The following CDH4 variants were observed in gnomAD, a reference collection of about 807,000 sequenced individuals.
CDH4 encodes the protein cadherin-4.
A neutral mutation model predicts 86.0 loss-of-function variants in CDH4; 33 were observed. The ratio of observed to expected loss-of-function variants is 0.38; its 90% CI spans 0.29 to 0.51. The LOEUF (loss-of-function observed/expected upper bound fraction) is 0.51. Ranked by LOEUF, CDH4 falls within the 20% of genes least tolerant of loss-of-function variation. CDH4 has a pLI of 0.86. For missense variants in CDH4, 1,114 were observed against 1,307.4 expected (o/e 0.85, Z 2.28); for synonymous variants, 555 against 549.4 (o/e 1.01, Z -0.14).
chr20:61,481,959 C>A (rs4925248), intron 2 of CDH4, among the ~76,000 whole-genome samples: 52,340 of 151,996 alleles, frequency 0.34, 10,987 homozygotes, highest in Admixed American at 0.48. Context: ...TATGTCTCAT[C>A]CATGGTGATT....
intron 6 of CDH4, among the ~76,000 whole-genome samples, chr20:61,857,971 G>A (rs2146122371): frequency 6.6e-6 from 1 of 151,518 alleles, no homozygotes; most frequent in South Asian, 2.1e-4. Flanking sequence ...GTCTCTGTGT[G>A]TCTCTGTGTC....
chr20:61,724,738 A>G (rs2088089985), intron 2 of CDH4, among the ~76,000 whole-genome samples: 1 of 152,074 alleles, frequency 6.6e-6, no homozygotes, highest in Non-Finnish European at 1.5e-5. Context: ...TTGCCTCTAA[A>G]TTTTCCTCCT....
intron 2 of CDH4, among the ~76,000 whole-genome samples, chr20:61,386,405 T>A (rs1360838248): frequency 6.6e-6 from 1 of 152,134 alleles, no homozygotes; most frequent in African/African-American, 2.4e-5. Flanking sequence ...GCCACCTCTC[T>A]CTCTAGGTCA....
intron 15 of CDH4, among the ~76,000 whole-genome samples, chr20:61,935,929 G>C (rs1041629260): frequency 2.0e-5 from 3 of 152,114 alleles, no homozygotes; most frequent in African/African-American, 7.2e-5. Flanking sequence ...TGTTAGATAG[G>C]TCTTAGGAGA....
intron 2 of CDH4, among the ~76,000 whole-genome samples, chr20:61,344,404 T>C (rs2084665591): frequency 6.6e-6 from 1 of 152,202 alleles, no homozygotes; most frequent in Admixed American, 6.5e-5. Context: ...TTGTAATTAT[T>C]CTTCTGTCCA....
At chr20:61,672,349 C>T (rs755891553) in intron 2 of CDH4, among the ~76,000 whole-genome samples, 22 of 152,034 alleles carry the variant, frequency 1.4e-4, no homozygotes, top group African/African-American at 3.1e-4. Context: ...GTGCTCTGTA[C>T]GTGGTAGGAT....
chr20:61,771,956 G>A (rs894683477), intron 3 of CDH4, among the ~76,000 whole-genome samples: 1 of 152,198 alleles, frequency 6.6e-6, no homozygotes, highest in Non-Finnish European at 1.5e-5. Context: ...TCCTTTTTGA[G>A]GCTCTTGATA....
At chr20:61,741,640 C>T (rs375717266) in intron 2 of CDH4, among the ~76,000 whole-genome samples, 18 of 152,178 alleles carry the variant, frequency 1.2e-4, no homozygotes, top group African/African-American at 3.4e-4. Flanking sequence ...TACAGGCACC[C>T]GCCACCACGC....
intron 4 of CDH4, among the ~76,000 whole-genome samples, chr20:61,773,663 T>G (rs1388711325): frequency 6.6e-6 from 1 of 152,196 alleles, no homozygotes; most frequent in East Asian, 1.9e-4. Context: ...CAGAAATAAT[T>G]TATTTTACAA....
intron 2 of CDH4, among the ~76,000 whole-genome samples, chr20:61,276,142 A>G (rs1047765014): frequency 4.6e-5 from 7 of 152,240 alleles, no homozygotes; most frequent in African/African-American, 1.7e-4. Context: ...TAACCTGTTT[A>G]GAAAAACTCA....
Position 61,501,999 on chromosome 20 carries a change from C to T in CDH4, c.170-241564C>T, listed in dbSNP as rs185680316. Among the ~76,000 whole-genome samples the T allele has an allele frequency of 6.6e-6, 1 of 150,814 alleles. No homozygotes were observed. On this transcript the variant is annotated intron_variant, in intron 2 of 15. Coordinates refer to ENST00000614565, the MANE Select transcript of CDH4 (RefSeq NM_001794.5). This position sits in a 1 kb window ranked among gnomAD's most constrained non-coding sequence, Gnocchi z 4.2. Reference sequence around the variant, plus strand: ...CCAGGCCGTTACCCTTTAGTGGGCGCGTGAGGGCTGTGGGTCACAGTTTCC... The same window carrying T: ...CCAGGCCGTTACCCTTTAGTGGGCGTGTGAGGGCTGTGGGTCACAGTTTCC...
chr20:61,786,063 T>C (rs557485293), intron 4 of CDH4, among the ~76,000 whole-genome samples: 15 of 152,238 alleles, frequency 9.9e-5, no homozygotes, highest in African/African-American at 3.6e-4. Context: ...ACGTCCAGGA[T>C]GGGAGGAACT....
At chr20:61,755,438 ACACACACACACCCCGTACACAC>A (rs1433059247) in intron 3 of CDH4, among the ~76,000 whole-genome samples, 4,785 of 144,240 alleles carry the variant, frequency 0.033, 271 homozygotes, top group African/African-American at 0.12. Context: ...GTCACACACC[ACACACACACACCCCGTACACAC>A]CACACACACA....
chr20:61,734,376 C>T (rs963944322), intron 2 of CDH4, among the ~76,000 whole-genome samples: 28 of 152,184 alleles, frequency 1.8e-4, no homozygotes, highest in African/African-American at 5.1e-4. Context: ...AGGCTCGGAA[C>T]GGGGAGTTGT....
Position 61,923,641 on chromosome 20 carries a change from C to T in CDH4, c.1565C>T (p.Pro522Leu). 1 of 1,614,092 alleles carries T rather than the reference C, an allele frequency of 6.2e-7. No individual in the cohort carries two copies. Among genetic ancestry groups the T allele is most frequent in the Non-Finnish European group, 8.5e-7 (1 of 1,180,042 alleles). ...KLIRLEEGVP[P>L]GTVLTTFSAV... ...ATCCGCCTGGAGGAGGGCGTGCCCC[C>T]CGGCACCGTGCTGACCACGTTTTCA... The change falls in exon 10 of 16, where the codon CCC (proline) becomes CTC (leucine). Residue 522 changes from proline to leucine, a missense_variant. By Grantham distance (98) the Pro-to-Leu change is moderately conservative (BLOSUM62 -3). Coordinates refer to ENST00000614565, the MANE Select transcript of CDH4 (RefSeq NM_001794.5).
chr20:61,550,903 G>C (rs1041490309), intron 2 of CDH4, among the ~76,000 whole-genome samples: 1 of 152,336 alleles, frequency 6.6e-6, no homozygotes, highest in East Asian at 1.9e-4. Context: ...ATGCGCACAG[G>C]CCAGTGCGCA....
intron 2 of CDH4, among the ~76,000 whole-genome samples, chr20:61,622,580 T>A (rs1310870341): frequency 6.6e-6 from 1 of 152,248 alleles, no homozygotes; most frequent in Non-Finnish European, 1.5e-5. Flanking sequence ...CTGCTGCACA[T>A]GGCCCAGGCC....
At chr20:61,878,025 A>T (rs1984116720) in intron 7 of CDH4, among the ~76,000 whole-genome samples, 1 of 152,028 alleles carries the variant, frequency 6.6e-6, no homozygotes, top group African/African-American at 2.4e-5. Context: ...CTTCGTGGAC[A>T]CAGACGGGCG....
chr20:61,704,639 C>A (rs966016635), intron 2 of CDH4, among the ~76,000 whole-genome samples: 2 of 152,172 alleles, frequency 1.3e-5, no homozygotes, highest in Non-Finnish European at 2.9e-5. Flanking sequence ...GTCCACAGAG[C>A]TTTTGAGTTT....
Sources: allele counts gnomAD v4.1 joint callset (sites outside exome capture counted in the v4.1 genomes callset), GRCh38; gene constraint gnomAD v4.1.1; non-coding constraint Gnocchi (gnomAD v3.1); transcripts MANE v1.5; gene names NCBI Gene and HGNC (gene_info 2026-07-23, HGNC 2026-07-21).